Variants in CIRSR observed in about 807,000 individuals in gnomAD.
CIRSR encodes CBF1 (RBPJ) interacting corepressor 1.
At chr2:174,354,496 ATT>A in the CIRSR span, among the ~76,000 whole-genome samples, 1 of 36,590 alleles carries the variant, frequency 2.7e-5, no homozygotes, top group African/African-American at 6.5e-5. Flanking sequence ...TATTATATAA[ATT>A]ATATTATATA....
the CIRSR span, among the ~76,000 whole-genome samples, chr2:174,370,910 C>CAAAA: frequency 1.6e-5 from 2 of 128,660 alleles, no homozygotes; most frequent in Non-Finnish European, 1.6e-5. Context: ...GACTCCGTCT[C>CAAAA]AAAAAAAAAA....
chr2:174,380,897 G>C, the CIRSR span: 1 of 1,056,978 alleles, frequency 9.5e-7, no homozygotes. Context: ...TATACACTAT[G>C]ATATCATGTT....
the CIRSR span, among the ~76,000 whole-genome samples, chr2:174,364,494 G>A: frequency 1.5e-4 from 23 of 152,252 alleles, no homozygotes; most frequent in Non-Finnish European, 3.4e-4. Context: ...TAGCCTCTGT[G>A]TGGGGGGCTC....
the CIRSR span, among the ~76,000 whole-genome samples, chr2:174,378,083 C>T: frequency 6.6e-6 from 1 of 152,050 alleles, no homozygotes; most frequent in Non-Finnish European, 1.5e-5. Flanking sequence ...GGGCTTCATG[C>T]CCAGAGCATC....
the CIRSR span, among the ~76,000 whole-genome samples, chr2:174,360,124 G>A: frequency 1.3e-5 from 2 of 152,202 alleles, no homozygotes; most frequent in East Asian, 3.9e-4. Context: ...ACGAGTTAAT[G>A]GGCGCAGCAA....
At chr2:174,389,349 G>C in the CIRSR span, among the ~76,000 whole-genome samples, 1 of 152,202 alleles carries the variant, frequency 6.6e-6, no homozygotes, top group Non-Finnish European at 1.5e-5. Flanking sequence ...GTCTCAGATG[G>C]AGATGGGAAA....
the CIRSR span, among the ~76,000 whole-genome samples, chr2:174,371,101 GA>G: frequency 6.6e-6 from 1 of 152,122 alleles, no homozygotes; most frequent in African/African-American, 2.4e-5. Flanking sequence ...TATAGAGACA[GA>G]AAAAATTAGG....
chr2:174,389,096 A>C, the CIRSR span, among the ~76,000 whole-genome samples: 113,854 of 152,048 alleles, frequency 0.75, 42,757 homozygotes, highest in South Asian at 0.85. Context: ...TAATATAGTA[A>C]ATTGGTATAG....
At chr2:174,393,208 A>C in the CIRSR span, among the ~76,000 whole-genome samples, 1 of 152,214 alleles carries the variant, frequency 6.6e-6, no homozygotes, top group Admixed American at 6.5e-5. Flanking sequence ...GTCCACAAGA[A>C]GACTAAAGAG....
the CIRSR span, among the ~76,000 whole-genome samples, chr2:174,370,176 AC>A: frequency 1.3e-5 from 2 of 152,204 alleles, no homozygotes; most frequent in African/African-American, 4.8e-5. Context: ...ACTCCCAGCA[AC>A]CCCAGCTCTA....
At chr2:174,350,609 G>T in the CIRSR span, 1 of 1,205,468 alleles carries the variant, frequency 8.3e-7, no homozygotes, top group Non-Finnish European at 1.2e-6. Flanking sequence ...ACGATACTGA[G>T]ATGAATACTA....
the CIRSR span, chr2:174,380,935 T>A: frequency 1.3e-6 from 1 of 791,340 alleles, no homozygotes; most frequent in Non-Finnish European, 1.9e-6. Context: ...AAGAATTCAT[T>A]GGTTTGACTT....
the CIRSR span, among the ~76,000 whole-genome samples, chr2:174,374,932 C>G: frequency 6.6e-6 from 1 of 152,118 alleles, no homozygotes; most frequent in African/African-American, 2.4e-5. Context: ...TCACAGTAAC[C>G]AATTAAACAT....
At chr2:174,383,968 T>C in the CIRSR span, among the ~76,000 whole-genome samples, 2 of 152,108 alleles carry the variant, frequency 1.3e-5, no homozygotes, top group Non-Finnish European at 2.9e-5. Flanking sequence ...ACCAGTTTCA[T>C]GGTTCCTCAA....
chr2:174,360,399 AGC>A, the CIRSR span, among the ~76,000 whole-genome samples: 1 of 152,258 alleles, frequency 6.6e-6, no homozygotes, highest in East Asian at 1.9e-4. Context: ...TAGAATAGTT[AGC>A]AAAGCCTTTC....
chr2:174,373,479 T>C, the CIRSR span, among the ~76,000 whole-genome samples: 2 of 152,226 alleles, frequency 1.3e-5, no homozygotes, highest in Non-Finnish European at 2.9e-5. Context: ...CAGTCAATGT[T>C]TGAAAAGCCT....
At chr2:174,356,533 A>AGGAAGGAAGGAC in the CIRSR span, among the ~76,000 whole-genome samples, 7 of 148,208 alleles carry the variant, frequency 4.7e-5, no homozygotes, top group African/African-American at 1.5e-4. Context: ...GAAAGAAGAA[A>AGGAAGGAAGGAC]GGAAGGAAGG....
At chr2:174,365,446 T>C in the CIRSR span, among the ~76,000 whole-genome samples, 2 of 152,228 alleles carry the variant, frequency 1.3e-5, no homozygotes, top group Non-Finnish European at 2.9e-5. Flanking sequence ...AGTTATCTTT[T>C]CAGCAACACC....
chr2:174,383,701 T>G, the CIRSR span, among the ~76,000 whole-genome samples: 1 of 117,274 alleles, frequency 8.5e-6, no homozygotes, highest in African/African-American at 3.4e-5. Context: ...GGCTGGGTGA[T>G]AGAGTGAGAC....
Sources: allele counts gnomAD v4.1 joint callset (sites outside exome capture counted in the v4.1 genomes callset), GRCh38; gene constraint gnomAD v4.1.1; transcripts MANE v1.5; gene names NCBI Gene and HGNC (gene_info 2026-07-23, HGNC 2026-07-21).